EEF1A2: variants seen among roughly 807,000 people sequenced by gnomAD.
The protein encoded by EEF1A2 is elongation factor 1-alpha 2.
Under a neutral mutation model 39.3 loss-of-function variants are expected in EEF1A2, and 5 were observed. The ratio of observed to expected loss-of-function variants is 0.13; its 90% confidence interval spans 0.07 to 0.27. The LOEUF is 0.27. EEF1A2 is among the 10% of genes least tolerant of loss of function. The pLI is 1.00. For synonymous variants in EEF1A2, 287 were observed against 293.7 expected, an observed-to-expected ratio of 0.98 and a Z score of 0.23; for missense variants, 218 against 681.4, an observed-to-expected ratio of 0.32 and a Z score of 7.57.
chr20:63,490,312 G>C (rs141887309), intron 6 of EEF1A2, 167 bp downstream of exon 6: 1 of 804,214 alleles, frequency 1.2e-6, no homozygotes, highest in East Asian at 2.7e-5. Context: ...TGATCTGCCC[G>C]CCTCGGCCTC....
chr20:63,497,608 T>C lies in EEF1A2; in HGVS notation c.144+12A>G. On this transcript the variant is annotated intron_variant, in intron 2 of 7. Transcript: ENST00000217182. The surrounding 1 kb of genome is among the most constrained non-coding windows in gnomAD (Gnocchi z 7.3). ...TTCTCAGGGGGCCAAGACCATAGCC[T>C]GGGGAGCTCACCTCAGCCGCCTCCT... 23 of 1,610,102 alleles carry C rather than the reference T, an allele frequency of 1.4e-5. No homozygotes were observed. The highest frequency in any genetic ancestry group is 1.9e-5 in the Non-Finnish European group (22 of 1,178,198).
At chr20:63,489,587 G>A (rs310604) in intron 6 of EEF1A2, among the ~76,000 whole-genome samples, 114,527 of 151,992 alleles carry the variant, frequency 0.75, 43,476 homozygotes, top group Middle Eastern at 0.87. Context: ...GTTCGAGACC[G>A]GCCTGGCCAA....
At chr20:63,493,381 C>T (rs1173331024) in intron 4 of EEF1A2, 94 bp from the exon 5 acceptor site, 27 of 1,393,976 alleles carry the variant, frequency 1.9e-5, no homozygotes, top group Non-Finnish European at 2.5e-5. Flanking sequence ...TACTGCTGTT[C>T]AGGCTAAACT....
At chr20:63,496,105 T>G in intron 2 of EEF1A2, 70 bp from the exon 3 acceptor site, 1 of 1,570,342 alleles carries the variant, frequency 6.4e-7, no homozygotes, top group East Asian at 2.2e-5. Flanking sequence ...TGCGAGCTGC[T>G]TGTTACAGCA....
At chr20:63,489,298 A>G in intron 6 of EEF1A2, 146 bp from the exon 7 acceptor site, 1 of 712,374 alleles carries the variant, frequency 1.4e-6, no homozygotes, top group Non-Finnish European at 2.3e-6. Flanking sequence ...TCAGGCTCTG[A>G]GGACCCAGCC....
intron 5 of EEF1A2, among the ~76,000 whole-genome samples, chr20:63,491,673 G>A (rs1049954322): frequency 6.6e-6 from 1 of 151,900 alleles, no homozygotes; most frequent in African/African-American, 2.4e-5. Context: ...TGGATGGATG[G>A]ATGTATGAAT....
At chr20:63,488,517 G>A (rs1407980423) in intron 7 of EEF1A2, 92 bp from the exon 8 acceptor site, 5 of 1,299,440 alleles carry the variant, frequency 3.8e-6, no homozygotes, top group Admixed American at 4.0e-5. Context: ...CAACCGCGTC[G>A]GGAATGTCCT....
rs752443173 is a variant in EEF1A2, at chr20:63,490,470, G to GC, written c.1029+8dup. On this transcript the variant is annotated intron_variant, in intron 6 of 7. Coordinates refer to ENST00000217182, the MANE Select transcript of EEF1A2 (RefSeq NM_001958.5). ...GCGCCAGCCCCCTGGACCCAGCGCA[G>GC]CCCCCCACCTGGGAGGTGAACTGAG... The GC allele has an allele frequency of 2.5e-6, 4 of 1,604,942 alleles. No homozygotes were observed. The highest frequency in any genetic ancestry group is 2.2e-5 in the South Asian group (2 of 90,882).
Position 63,490,473 on chromosome 20 carries a change from C to T in EEF1A2, c.1029+6G>A, listed in dbSNP as rs370457251. 4 of 1,605,354 alleles carry T rather than the reference C, an allele frequency of 2.5e-6. No individual in the cohort carries two copies. The African/African-American group carries it at 5.3e-5, about 21-fold the overall frequency. Reference sequence around the variant, plus strand: ...CCAGCCCCCTGGACCCAGCGCAGCCCCCCACCTGGGAGGTGAACTGAGCAG... The same window carrying T: ...CCAGCCCCCTGGACCCAGCGCAGCCTCCCACCTGGGAGGTGAACTGAGCAG... On this transcript the variant is annotated splice_donor_region_variant and intron_variant, in intron 6 of 7. Transcript: ENST00000217182.
Position 63,490,608 on chromosome 20 carries a change from G to A in EEF1A2, c.900C>T (p.Ser300=), listed in dbSNP as rs374349515. 34 of 1,612,670 alleles carry A rather than the reference G, an allele frequency of 2.1e-5. No homozygotes were observed. The highest frequency in any genetic ancestry group is 1.6e-4 in the Middle Eastern group (1 of 6,082). The change falls in exon 6 of 8, where the codon AGC becomes AGT. Residue 300 remains serine (S), a synonymous_variant. Coordinates refer to ENST00000217182, the MANE Select transcript of EEF1A2 (RefSeq NM_001958.5). ...CGACGTTGTCGCCGGGCAGAGCTTC[G>A]CTCAGAGCCTCGTGGTGCATCTCCA... The part of the protein sequence containing the change: ...KSVEMHHEAL[S]EALPGDNVGF...
At position 63,497,692 on chromosome 20, in the gene EEF1A2, C is replaced by G. The variant is rs746094472; in HGVS notation, c.72G>C (p.Thr24=). 10 of 1,612,958 alleles carry G rather than the reference C, an allele frequency of 6.2e-6. No individual in the cohort carries two copies. The highest frequency in any genetic ancestry group is 8.5e-6 in the Non-Finnish European group (10 of 1,179,880). The change falls in exon 2 of 8, where the codon ACG becomes ACC. Residue 24 remains threonine, a synonymous_variant. Transcript: ENST00000217182. This position sits in a 1 kb window ranked among gnomAD's most constrained non-coding sequence, Gnocchi z 7.3. ...GHVDSGKSTT[T]GHLIYKCGGI... ...CTCCGCATTTGTAGATGAGGTGGCCCGTGGTGGTGGACTTTCCGGAGTCCA... is the reference window on the plus strand; with the variant it reads ...CTCCGCATTTGTAGATGAGGTGGCCGGTGGTGGTGGACTTTCCGGAGTCCA...
intron 5 of EEF1A2, among the ~76,000 whole-genome samples, chr20:63,492,876 G>C (rs915508483): frequency 6.7e-6 from 1 of 150,188 alleles, no homozygotes; most frequent in Non-Finnish European, 1.5e-5. Context: ...GTGGGGAGAT[G>C]GATGGATCGA....
intron 5 of EEF1A2, among the ~76,000 whole-genome samples, chr20:63,492,615 TAGAG>T (rs1221533141): frequency 2.2e-5 from 2 of 89,116 alleles, no homozygotes; most frequent in Non-Finnish European, 4.5e-5. Flanking sequence ...GATGGAGGGA[TAGAG>T]AGAAGGATGG....
intron 4 of EEF1A2, among the ~76,000 whole-genome samples, 160 bp downstream of exon 4, chr20:63,494,645 C>G (rs1045810834): frequency 1.3e-5 from 2 of 152,218 alleles, no homozygotes; most frequent in African/African-American, 4.8e-5. Context: ...GGCTCCCCGC[C>G]GGGCCCTGAG....
At position 63,495,836 on chromosome 20, in the gene EEF1A2, G is replaced by A. The variant is rs199746748; in HGVS notation, c.324+20C>T. 41 of 1,610,782 alleles carry A rather than the reference G, an allele frequency of 2.5e-5. No individual in the cohort carries two copies. Among genetic ancestry groups the A allele is most frequent in the Admixed American group, 1.0e-4 (6 of 59,970 alleles). On this transcript the variant is annotated intron_variant, in intron 3 of 7. Coordinates refer to ENST00000217182, the MANE Select transcript of EEF1A2 (RefSeq NM_001958.5). Reference sequence around the variant, plus strand: ...GTGCAGCGGCCTCTCCCCCAGCCCCGCCTGCTGTGCCCTGCTCACCTGGGA... The same window carrying A: ...GTGCAGCGGCCTCTCCCCCAGCCCCACCTGCTGTGCCCTGCTCACCTGGGA...
At chr20:63,496,270 G>A (rs979794199) in intron 2 of EEF1A2, 10 of 562,016 alleles carry the variant, frequency 1.8e-5, no homozygotes, top group Admixed American at 3.2e-5. Context: ...GGCTACGCAG[G>A]TCCACCAGCA....
intron 7 of EEF1A2, 89 bp from the exon 8 acceptor site, chr20:63,488,514 G>T: frequency 7.7e-7 from 1 of 1,300,214 alleles, no homozygotes; most frequent in Non-Finnish European, 9.8e-7. Context: ...GCGCAACCGC[G>T]TCGGGAATGT....
intron 3 of EEF1A2, 83 bp from the exon 4 acceptor site, chr20:63,495,184 C>A (rs2082411335): frequency 6.5e-6 from 10 of 1,538,596 alleles, no homozygotes; most frequent in Non-Finnish European, 8.7e-6. Flanking sequence ...CACTTCCAGG[C>A]CTCTCCAGGC....
At chr20:63,488,450 G>A (rs1023128866) in intron 7 of EEF1A2, 25 bp from the exon 8 acceptor site, 32 of 1,414,160 alleles carry the variant, frequency 2.3e-5, no homozygotes, top group Non-Finnish European at 2.8e-5. Flanking sequence ...GCGGCGTGTG[G>A]GCGGGGCCGG....
Sources: allele counts gnomAD v4.1 joint callset (sites outside exome capture counted in the v4.1 genomes callset), GRCh38; gene constraint gnomAD v4.1.1; non-coding constraint Gnocchi (gnomAD v3.1); transcripts MANE v1.5; gene names NCBI Gene and HGNC (gene_info 2026-07-23, HGNC 2026-07-21).